Variants in LRRC53 observed in about 807,000 individuals in gnomAD.
LRRC53 encodes the protein leucine-rich repeat-containing protein 53.
LRRC53 carries 25 observed loss-of-function variants against 13.6 expected under a neutral mutation model. That is an observed-to-expected ratio of 1.83 (90% CI 1.34 to 2.56). The LOEUF is 2.56. Among genes scored for constraint, LRRC53 ranks in the 30% most tolerant of loss-of-function variants. The pLI, the probability that LRRC53 is intolerant of heterozygous loss-of-function variation, is 0.00. For missense variants in LRRC53, 527 were observed against 275.8 expected (o/e 1.91, Z -6.45); for synonymous variants, 204 against 109.8 (o/e 1.86, Z -5.37).
the LRRC53 span, among the ~76,000 whole-genome samples, chr1:74,533,792 C>T: frequency 6.6e-6 from 1 of 152,110 alleles, no homozygotes; most frequent in Non-Finnish European, 1.5e-5. Flanking sequence ...AATCATCATT[C>T]TCAGTAAACT....
chr1:74,526,645 T>C, the LRRC53 span, among the ~76,000 whole-genome samples: 1 of 152,222 alleles, frequency 6.6e-6, no homozygotes, highest in African/African-American at 2.4e-5. Flanking sequence ...AATTGGATAT[T>C]TTTTTCTGTT....
chr1:74,499,838 A>G (rs1157399068), intron 1 of LRRC53, among the ~76,000 whole-genome samples: 1 of 152,082 alleles, frequency 6.6e-6, no homozygotes, highest in African/African-American at 2.4e-5. Flanking sequence ...AAGAGTTTAC[A>G]ATTTTCTTTA....
At chr1:74,496,577 A>G (rs571722131) in intron 1 of LRRC53, among the ~76,000 whole-genome samples, 1 of 152,138 alleles carries the variant, frequency 6.6e-6, no homozygotes, top group African/African-American at 2.4e-5. Flanking sequence ...GCTTGATTTT[A>G]TGGGGTTTTT....
the LRRC53 span, among the ~76,000 whole-genome samples, chr1:74,536,615 C>G: frequency 6.6e-6 from 1 of 151,982 alleles, no homozygotes; most frequent in Non-Finnish European, 1.5e-5. Context: ...AAAAACTAAC[C>G]TAAAGACTAT....
chr1:74,521,595 G>C, the LRRC53 span, among the ~76,000 whole-genome samples: 5,916 of 151,864 alleles, frequency 0.039, 382 homozygotes, highest in African/African-American at 0.13. Flanking sequence ...CTTTTTCTGC[G>C]TTCCTTTATT....
the LRRC53 span, among the ~76,000 whole-genome samples, chr1:74,522,651 TGA>T: frequency 0.039 from 5,912 of 151,260 alleles, 369 homozygotes; most frequent in African/African-American, 0.13. Context: ...TGTGTGTGTG[TGA>T]GAGAGAGAGA....
At chr1:74,486,869 A>T (rs1334228264) in intron 1 of LRRC53, among the ~76,000 whole-genome samples, 2 of 152,110 alleles carry the variant, frequency 1.3e-5, no homozygotes, top group Non-Finnish European at 2.9e-5. Context: ...GGGACAAAGG[A>T]ATTGTTGCTT....
In LRRC53 at chr1:74,470,850, G is replaced by A. The variant is rs1019469925; in HGVS notation, c.2772C>T (p.Ser924=). ...KTSELNQFSL[S]PRNQTQLLDA... ...CTAAAAGTTGTGTTTGATTCCTCGGGGACAAAGAAAACTGATTTAACTCAC... is the reference window on the plus strand; with the variant it reads ...CTAAAAGTTGTGTTTGATTCCTCGGAGACAAAGAAAACTGATTTAACTCAC... Residue 924 remains serine, a synonymous_variant, in exon 5 of 5, where the codon TCC becomes TCT. Transcript: ENST00000294635. 10 of 400,424 alleles carry A rather than the reference G, an allele frequency of 2.5e-5. No individual in the cohort carries two copies. The highest frequency in any genetic ancestry group is 4.4e-5 in the Admixed American group (1 of 22,688). 24.8% of individuals were successfully genotyped at this position (400,424 alleles called of 1,614,324 possible).
At chr1:74,515,828 T>C (rs1309331582), upstream of LRRC53, among the ~76,000 whole-genome samples, 1 of 152,180 alleles carries the variant, frequency 6.6e-6, no homozygotes, top group East Asian at 1.9e-4. Context: ...CTTCCTAAAT[T>C]GGCTATTTCT....
the LRRC53 span, among the ~76,000 whole-genome samples, chr1:74,535,393 G>A: frequency 2.0e-5 from 3 of 152,132 alleles, no homozygotes; most frequent in African/African-American, 4.8e-5. Context: ...TTGTTTGAGT[G>A]TGGGAGGTGA....
At chr1:74,504,072 CAGACAGCACT>C (rs1277652165) in intron 1 of LRRC53, among the ~76,000 whole-genome samples, 2 of 152,196 alleles carry the variant, frequency 1.3e-5, no homozygotes, top group African/African-American at 2.4e-5. Context: ...GGTGCATACC[CAGACAGCACT>C]ATAGTGAAAT....
At chr1:74,528,561 T>C in the LRRC53 span, among the ~76,000 whole-genome samples, 3 of 152,186 alleles carry the variant, frequency 2.0e-5, no homozygotes, top group African/African-American at 7.2e-5. Context: ...AATAAGTAAA[T>C]ATATTTAGGA....
chr1:74,477,645 T>A (rs1234933024), intron 3 of LRRC53, among the ~76,000 whole-genome samples: 2 of 152,198 alleles, frequency 1.3e-5, no homozygotes, highest in East Asian at 3.8e-4. Flanking sequence ...TCTAATTGTG[T>A]CTGAATGGCA....
At chr1:74,512,891 G>T (rs1670301559), upstream of LRRC53, among the ~76,000 whole-genome samples, 1 of 152,152 alleles carries the variant, frequency 6.6e-6, no homozygotes, top group South Asian at 2.1e-4. Context: ...GCCTTATGAT[G>T]GGGTCACTAT....
At chr1:74,483,737 G>A (rs17095421) in intron 1 of LRRC53, among the ~76,000 whole-genome samples, 11,400 of 152,176 alleles carry the variant, frequency 0.075, 1,006 homozygotes, top group African/African-American at 0.22. Context: ...AGCTCAGGAT[G>A]GTTAGCAAAC....
upstream of LRRC53, among the ~76,000 whole-genome samples, chr1:74,515,100 G>T (rs1411754708): frequency 6.6e-6 from 1 of 152,176 alleles, no homozygotes; most frequent in Admixed American, 6.5e-5. Context: ...CCTTCAGAAA[G>T]AACCAACCTT....
chr1:74,521,793 T>A, the LRRC53 span, among the ~76,000 whole-genome samples: 1 of 152,294 alleles, frequency 6.6e-6, no homozygotes, highest in African/African-American at 2.4e-5. Flanking sequence ...GGTGAGTGAA[T>A]GTTTCTTGCT....
At chr1:74,493,962 G>A (rs936336326) in intron 1 of LRRC53, among the ~76,000 whole-genome samples, 7 of 152,192 alleles carry the variant, frequency 4.6e-5, no homozygotes, top group African/African-American at 1.7e-4. Flanking sequence ...AACTGGAGTG[G>A]GAATGGGGTC....
chr1:74,526,042 G>A, the LRRC53 span, among the ~76,000 whole-genome samples: 9 of 152,246 alleles, frequency 5.9e-5, no homozygotes, highest in African/African-American at 1.9e-4. Context: ...GTATACATTC[G>A]CTTAAAACAA....
Sources: gnomAD v4.1 joint callset for allele counts (sites outside exome capture counted in the v4.1 genomes callset) on GRCh38, gnomAD v4.1.1 for gene constraint, MANE v1.5 for transcripts, NCBI Gene and HGNC (gene_info 2026-07-23, HGNC 2026-07-21) for gene names.